SEMA3A: variants seen among roughly 807,000 people sequenced by gnomAD.
SEMA3A encodes the protein semaphorin-3A.
SEMA3A carries 29 observed loss-of-function variants against 97.9 expected under a neutral mutation model. That is an observed-to-expected ratio of 0.30 (90% CI 0.22 to 0.40). The LOEUF is 0.40. Among genes scored for constraint, SEMA3A ranks in the 10% least tolerant of loss-of-function variants. The probability of loss-of-function intolerance (pLI) is 1.00; values close to 1 mark genes in which losing one functional copy is unlikely to be tolerated. For missense variants in SEMA3A, 763 were observed against 951.3 expected (o/e 0.80, Z 2.60); for synonymous variants, 321 against 323.7 (o/e 0.99, Z 0.09).
intron 12 of SEMA3A, among the ~76,000 whole-genome samples, chr7:84,000,800 G>A (rs570626497): frequency 6.6e-6 from 1 of 152,200 alleles, no homozygotes; most frequent in East Asian, 1.9e-4. Context: ...TATATTAGGA[G>A]CTTTCCATAT....
intron 1 of SEMA3A, among the ~76,000 whole-genome samples, chr7:84,462,413 A>G (rs1805870157): frequency 6.6e-6 from 1 of 152,218 alleles, no homozygotes; most frequent in Admixed American, 6.5e-5. Context: ...AATTTTATGT[A>G]AAGAAGCCAA....
intron 1 of SEMA3A, among the ~76,000 whole-genome samples, chr7:84,177,135 T>C (rs1797592988): frequency 6.6e-6 from 1 of 152,110 alleles, no homozygotes; most frequent in Non-Finnish European, 1.5e-5. Context: ...GTAAAAATAG[T>C]TGAAAGAATA....
intron 1 of SEMA3A, among the ~76,000 whole-genome samples, chr7:84,175,237 A>T (rs1797526529): frequency 6.6e-6 from 1 of 152,214 alleles, no homozygotes; most frequent in Non-Finnish European, 1.5e-5. Flanking sequence ...CATGATGATT[A>T]CATGGGATAG....
At chr7:84,170,280 A>C (rs1353841336) in intron 1 of SEMA3A, among the ~76,000 whole-genome samples, 1 of 151,976 alleles carries the variant, frequency 6.6e-6, no homozygotes, top group Non-Finnish European at 1.5e-5. Context: ...TTAACATTTC[A>C]TTTAGAAAGT....
chr7:84,106,382 G>A (rs1421651084), intron 4 of SEMA3A, among the ~76,000 whole-genome samples: 2 of 152,090 alleles, frequency 1.3e-5, no homozygotes, highest in African/African-American at 4.8e-5. Context: ...TATAGCCTTA[G>A]GAGCAATAGG....
chr7:84,332,621 G>A (rs941168495), intron 2 of SEMA3A, among the ~76,000 whole-genome samples: 1 of 151,968 alleles, frequency 6.6e-6, no homozygotes, highest in Non-Finnish European at 1.5e-5. Flanking sequence ...GCTTTAACAT[G>A]TGGCTGTGAC....
intron 6 of SEMA3A, among the ~76,000 whole-genome samples, chr7:84,029,351 T>G (rs549806208): frequency 6.6e-6 from 1 of 152,286 alleles, no homozygotes; most frequent in African/African-American, 2.4e-5. Context: ...CATTGCAGAT[T>G]GTGAAAGTTG....
rs542850096 is a variant in SEMA3A at position 84,067,168 on chromosome 7, G to A, written c.454-6610C>T. On this transcript the variant is annotated intron_variant, in intron 4 of 16. Coordinates refer to ENST00000265362, the MANE Select transcript of SEMA3A (RefSeq NM_006080.3). ...ACAAACCTGAGAAAAACAAGCAATC[G>A]GGAAAGGATTCCTTATTTAATAAAT... is the stretch of plus-strand genomic sequence containing the variant. Among the ~76,000 whole-genome samples the A allele has an allele frequency of 3.3e-5, 5 of 152,204 alleles. No individual in the cohort carries two copies. In the East Asian group the frequency reaches 5.8e-4, roughly 18 times the overall value.
At chr7:84,384,912 A>G (rs2116153793) in intron 1 of SEMA3A, among the ~76,000 whole-genome samples, 1 of 152,320 alleles carries the variant, frequency 6.6e-6, no homozygotes, top group Non-Finnish European at 1.5e-5. Context: ...ACTACTATCT[A>G]CATGAGACAA....
chr7:84,292,973 C>T (rs1252933293), intron 3 of SEMA3A, among the ~76,000 whole-genome samples: 3 of 152,078 alleles, frequency 2.0e-5, no homozygotes, highest in East Asian at 3.9e-4. Flanking sequence ...AACTAATTTA[C>T]ATGTTTGTTG....
At chr7:84,416,075 T>C (rs1202017158) in intron 1 of SEMA3A, among the ~76,000 whole-genome samples, 1 of 152,104 alleles carries the variant, frequency 6.6e-6, no homozygotes, top group East Asian at 1.9e-4. Flanking sequence ...AATGTGGGAC[T>C]AATTTTAAAA....
At chr7:84,052,684 G>T (rs1455085158) in intron 5 of SEMA3A, among the ~76,000 whole-genome samples, 8 of 151,970 alleles carry the variant, frequency 5.3e-5, no homozygotes, top group African/African-American at 1.9e-4. Flanking sequence ...ATTAATTTTT[G>T]GAAGGGTTTT....
At chr7:84,406,892 G>T (rs868413592) in intron 1 of SEMA3A, among the ~76,000 whole-genome samples, 3 of 152,172 alleles carry the variant, frequency 2.0e-5, no homozygotes, top group Middle Eastern at 3.4e-3. Context: ...GTATTGATGG[G>T]ACGTATCTCA....
intron 3 of SEMA3A, chr7:84,307,146 A>G (rs1343351011): frequency 6.6e-6 from 1 of 152,168 alleles, no homozygotes; most frequent in Non-Finnish European, 1.5e-5. Context: ...GTGCAGTAGT[A>G]TCTCTAAATT....
rs141729680 is a variant in SEMA3A, at chr7:84,090,791, G to A, written c.453+19679C>T. On this transcript the variant is annotated intron_variant, in intron 4 of 16. Coordinates refer to ENST00000265362, the MANE Select transcript of SEMA3A (RefSeq NM_006080.3). ...GTAGAAAATTGTGTAGGTTGGCCGG[G>A]CGTGGTGGCTCACGCCTGTAATCCT... is the stretch of plus-strand genomic sequence containing the variant. Among the ~76,000 whole-genome samples the A allele has an allele frequency of 5.3e-3, 801 of 152,096 alleles. 4 individuals carry two copies. Among genetic ancestry groups the A allele is most frequent in the East Asian group, 0.017 (87 of 5,128 alleles).
chr7:84,346,880 A>G (rs186625551), intron 2 of SEMA3A, among the ~76,000 whole-genome samples: 153 of 152,354 alleles, frequency 1.0e-3, no homozygotes, highest in African/African-American at 3.6e-3. Context: ...AGAAAAGGCA[A>G]TTATCTGCCA....
chr7:84,429,726 G>C (rs1804928298), intron 1 of SEMA3A, among the ~76,000 whole-genome samples: 1 of 150,654 alleles, frequency 6.6e-6, no homozygotes. Context: ...TCTTATCCAA[G>C]GGTGTTCTGT....
At chr7:84,174,892 A>G (rs1029577499) in intron 1 of SEMA3A, among the ~76,000 whole-genome samples, 2 of 152,234 alleles carry the variant, frequency 1.3e-5, no homozygotes, top group Admixed American at 1.3e-4. Context: ...TGGAAACATA[A>G]TATTTTCTAA....
At chr7:84,049,326 G>A (rs1227655670) in intron 5 of SEMA3A, among the ~76,000 whole-genome samples, 1 of 152,062 alleles carries the variant, frequency 6.6e-6, no homozygotes, top group Non-Finnish European at 1.5e-5. Context: ...AAACTATTTA[G>A]TTGCACTGGG....
Sources: gnomAD v4.1 joint callset for allele counts (sites outside exome capture counted in the v4.1 genomes callset) on GRCh38, gnomAD v4.1.1 for gene constraint, MANE v1.5 for transcripts, NCBI Gene and HGNC (gene_info 2026-07-23, HGNC 2026-07-21) for gene names.